KCNK10: variants seen among roughly 807,000 people sequenced by gnomAD.
KCNK10 encodes the protein potassium two pore domain channel subfamily K member 10.
In KCNK10, 25 loss-of-function variants were observed where a neutral mutation model predicts 47.7. The ratio of observed to expected loss-of-function variants is 0.52; its 90% confidence interval spans 0.38 to 0.73. The LOEUF is 0.73. Ranked by LOEUF, KCNK10 falls within the 30% of genes least tolerant of loss-of-function variation. KCNK10 has a pLI of 0.00. For missense variants in KCNK10, 563 were observed against 714.5 expected (o/e 0.79, Z 2.42); for synonymous variants, 303 against 285.6 (o/e 1.06, Z -0.61).
chr14:88,191,065 C>T (rs1256586449), intron 5 of KCNK10, among the ~76,000 whole-genome samples: 1 of 151,966 alleles, frequency 6.6e-6, no homozygotes, highest in African/African-American at 2.4e-5. Context: ...GGCTAAATCC[C>T]ATCTCTACGA....
chr14:88,273,402 A>G (rs1887453224), intron 1 of KCNK10, among the ~76,000 whole-genome samples: 1 of 152,092 alleles, frequency 6.6e-6, no homozygotes, highest in Admixed American at 6.5e-5. Flanking sequence ...TGTTTTTACC[A>G]CTTTCTATCT....
At chr14:88,259,623 A>G (rs1887052891) in intron 2 of KCNK10, among the ~76,000 whole-genome samples, 2 of 152,072 alleles carry the variant, frequency 1.3e-5, no homozygotes, top group African/African-American at 4.8e-5. Context: ...CACCCATCTA[A>G]TTTTTGTAAC....
chr14:88,257,567 G>A (rs548747206), intron 2 of KCNK10, among the ~76,000 whole-genome samples: 4 of 152,198 alleles, frequency 2.6e-5, no homozygotes, highest in Non-Finnish European at 5.9e-5. Context: ...GTGCATGGTG[G>A]TTCAGAGCCT....
At chr14:88,224,358 G>T (rs1372709820) in intron 4 of KCNK10, among the ~76,000 whole-genome samples, 1 of 152,184 alleles carries the variant, frequency 6.6e-6, no homozygotes, top group Non-Finnish European at 1.5e-5. Flanking sequence ...CTGGCAATTT[G>T]ATCTCCATCT....
chr14:88,310,212 C>CATGGT (rs1888293567), intron 1 of KCNK10, among the ~76,000 whole-genome samples: 1 of 133,380 alleles, frequency 7.5e-6, no homozygotes, highest in Non-Finnish European at 1.7e-5. Context: ...TATGATATAC[C>CATGGT]ATATCATATG....
At chr14:88,301,622 A>G (rs376786674) in intron 1 of KCNK10, among the ~76,000 whole-genome samples, 62 of 146,662 alleles carry the variant, frequency 4.2e-4, no homozygotes, top group African/African-American at 1.1e-3. Flanking sequence ...AGCCAGTCCT[A>G]TGAAAATTGG....
chr14:88,241,290 T>C (rs1324386279), intron 2 of KCNK10, among the ~76,000 whole-genome samples: 2 of 152,254 alleles, frequency 1.3e-5, no homozygotes, highest in South Asian at 2.1e-4. Flanking sequence ...GTGGCCGTTA[T>C]TAACTTCAGA....
rs1886431148 is a variant in KCNK10 at position 88,240,700 on chromosome 14, T to C, written c.520+3A>G. ...GAAGAGATATTAGCAAACAAACGGG[T>C]ACCTATGGTCGTAATGACAGTTCCA... On this transcript the variant is annotated splice_donor_region_variant and intron_variant, in intron 3 of 6. Transcript: ENST00000319231. 1.3e-6 allele frequency: 2 copies of C among 1,583,410 alleles called. No homozygotes were observed. Among genetic ancestry groups the C allele is most frequent in the Non-Finnish European group, 1.7e-6 (2 of 1,152,052 alleles).
chr14:88,195,679 C>A (rs10135417), intron 4 of KCNK10, among the ~76,000 whole-genome samples: 29,001 of 152,124 alleles, frequency 0.19, 3,104 homozygotes, highest in East Asian at 0.41. Flanking sequence ...TTTTATTTGC[C>A]TTCCAATTAA....
intron 5 of KCNK10, among the ~76,000 whole-genome samples, chr14:88,190,700 G>GA (rs145900357): frequency 1.1e-4 from 16 of 151,718 alleles, no homozygotes; most frequent in Admixed American, 2.6e-4. Context: ...AAAGGAAGGG[G>GA]AAAAAAAACC....
chr14:88,319,992 A>C (rs1888510589), intron 1 of KCNK10, among the ~76,000 whole-genome samples: 1 of 152,218 alleles, frequency 6.6e-6, no homozygotes, highest in East Asian at 1.9e-4. Flanking sequence ...TATACAGATA[A>C]GAGATATGCC....
chr14:88,196,302 A>G (rs1884911663), intron 4 of KCNK10, among the ~76,000 whole-genome samples: 1 of 152,148 alleles, frequency 6.6e-6, no homozygotes, highest in Non-Finnish European at 1.5e-5. Flanking sequence ...ACAGGAGGAG[A>G]GGGAGCCAGT....
chr14:88,217,610 A>G (rs1464625401), intron 4 of KCNK10, among the ~76,000 whole-genome samples: 1 of 152,198 alleles, frequency 6.6e-6, no homozygotes, highest in Non-Finnish European at 1.5e-5. Context: ...ACTAGAGTAC[A>G]GTGATGTGAT....
intron 1 of KCNK10, among the ~76,000 whole-genome samples, chr14:88,290,457 G>C (rs1241555593): frequency 6.6e-6 from 1 of 152,138 alleles, no homozygotes; most frequent in East Asian, 1.9e-4. Context: ...ACTTGTTATA[G>C]CAGCAAGAGG....
intron 1 of KCNK10, among the ~76,000 whole-genome samples, chr14:88,311,649 G>T (rs556541552): frequency 6.6e-6 from 1 of 152,296 alleles, no homozygotes; most frequent in Admixed American, 6.5e-5. Flanking sequence ...GTATACTACA[G>T]GACTTAGGAC....
intron 4 of KCNK10, among the ~76,000 whole-genome samples, chr14:88,213,767 G>A (rs1242942652): frequency 6.9e-6 from 1 of 144,880 alleles, no homozygotes; most frequent in African/African-American, 2.5e-5. Context: ...AAATCTGAAA[G>A]ATATGAGGAA....
At chr14:88,298,652 AATTC>A (rs1888035593) in intron 1 of KCNK10, among the ~76,000 whole-genome samples, 1 of 152,278 alleles carries the variant, frequency 6.6e-6, no homozygotes, top group African/African-American at 2.4e-5. Flanking sequence ...ACTACTCACA[AATTC>A]ATTGTTTCTC....
At chr14:88,289,467 G>A (rs757202125) in intron 1 of KCNK10, among the ~76,000 whole-genome samples, 8 of 152,324 alleles carry the variant, frequency 5.3e-5, no homozygotes, top group Non-Finnish European at 7.3e-5. Context: ...CCAAGTGCCA[G>A]GGCCATGGAC....
rs544021970 is a variant in KCNK10, at chr14:88,288,043, G to C, written c.53-24492C>G. On this transcript the variant is annotated intron_variant, in intron 1 of 6. Transcript: ENST00000319231. ...TTTTTATTATGGCCATTCTTGCAGG[G>C]GTAAGGCAGTATCGCTTTGTGGTTT... Among the ~76,000 whole-genome samples the C allele has an allele frequency of 2.0e-3, 304 of 152,030 alleles. 8 individuals are homozygous for C. The highest frequency in any genetic ancestry group is 8.2e-4 in the Non-Finnish European group (56 of 67,968).
Sources: gnomAD v4.1 joint callset for allele counts (sites outside exome capture counted in the v4.1 genomes callset) on GRCh38, gnomAD v4.1.1 for gene constraint, MANE v1.5 for transcripts, NCBI Gene and HGNC (gene_info 2026-07-23, HGNC 2026-07-21) for gene names.